The following HACL2 variants were observed in gnomAD, a reference collection of about 807,000 sequenced individuals.
HACL2 encodes 2-hydroxyacyl-CoA lyase 1 like.
At chr19:15,116,760 A>C in the HACL2 span, 1 of 522,508 alleles carries the variant, frequency 1.9e-6, no homozygotes, top group African/African-American at 1.9e-5. Flanking sequence ...AAGGAGCACA[A>C]GGCAGGTGAC....
chr19:15,123,668 G>A, the HACL2 span: 7 of 1,182,728 alleles, frequency 5.9e-6, no homozygotes, highest in East Asian at 7.2e-5. The surrounding 1 kb of genome is among the most constrained non-coding windows in gnomAD (Gnocchi z 5.1). Context: ...AGGTAAGGGG[G>A]CAGGAGCAGG....
the HACL2 span, chr19:15,119,015 T>C: frequency 2.8e-6 from 2 of 714,246 alleles, no homozygotes; most frequent in Admixed American, 3.5e-5. Flanking sequence ...ACACCTATTA[T>C]GCGTCTGGTT....
chr19:15,122,405 GGAA>G, the HACL2 span, among the ~76,000 whole-genome samples: 6 of 152,112 alleles, frequency 3.9e-5, no homozygotes, highest in Non-Finnish European at 1.5e-5. This position sits in a 1 kb window ranked among gnomAD's most constrained non-coding sequence, Gnocchi z 4.0. Context: ...AGGAAGAGGA[GGAA>G]GAAGAGATGA....
chr19:15,122,511 T>C, the HACL2 span, among the ~76,000 whole-genome samples: 84,481 of 151,872 alleles, frequency 0.56, 24,565 homozygotes, highest in African/African-American at 0.72. This position sits in a 1 kb window ranked among gnomAD's most constrained non-coding sequence, Gnocchi z 4.0. Context: ...TTGCTTTCCC[T>C]ACCCACCCAG....
the HACL2 span, chr19:15,124,753 C>T: frequency 4.1e-4 from 373 of 912,118 alleles, no homozygotes; most frequent in Non-Finnish European, 5.8e-4. Flanking sequence ...TCCAGGCCTC[C>T]ATACACAGCG....
chr19:15,123,005 T>G, the HACL2 span: 4 of 1,603,570 alleles, frequency 2.5e-6, no homozygotes, highest in Non-Finnish European at 3.4e-6. This position sits in a 1 kb window ranked among gnomAD's most constrained non-coding sequence, Gnocchi z 5.1. Flanking sequence ...GGACAGCTGA[T>G]CAACAGCCTG....
chr19:15,118,409 G>C, the HACL2 span, among the ~76,000 whole-genome samples: 1 of 152,108 alleles, frequency 6.6e-6, no homozygotes, highest in Non-Finnish European at 1.5e-5. Flanking sequence ...AGGCCTGGGT[G>C]GGGCCAAGGA....
the HACL2 span, chr19:15,125,013 G>A: frequency 6.3e-7 from 1 of 1,586,678 alleles, no homozygotes; most frequent in East Asian, 2.3e-5. Context: ...GAGCAGGAAG[G>A]AGGGGAATAA....
At chr19:15,123,252 C>T in the HACL2 span, 1 of 1,613,300 alleles carries the variant, frequency 6.2e-7, no homozygotes, top group South Asian at 1.1e-5. The surrounding 1 kb of genome is among the most constrained non-coding windows in gnomAD (Gnocchi z 5.1). Context: ...CCCTGGAACA[C>T]AGAGCCCATC....
chr19:15,115,674 AC>A, the HACL2 span: 1 of 1,612,650 alleles, frequency 6.2e-7, no homozygotes, highest in African/African-American at 1.3e-5. Context: ...ACTGGGATCT[AC>A]AGGAAGATGA....
the HACL2 span, chr19:15,123,358 C>T: frequency 6.2e-7 from 1 of 1,611,044 alleles, no homozygotes; most frequent in Non-Finnish European, 8.5e-7. The surrounding 1 kb of genome is among the most constrained non-coding windows in gnomAD (Gnocchi z 5.1). Flanking sequence ...CCCCAGCCCT[C>T]TCTGCAATGC....
chr19:15,116,537 G>A, the HACL2 span: 1 of 1,601,704 alleles, frequency 6.2e-7, no homozygotes, highest in Non-Finnish European at 8.5e-7. Flanking sequence ...GGAAGGAAGA[G>A]GACACAGCTG....
the HACL2 span, chr19:15,125,265 G>A: frequency 1.3e-5 from 8 of 604,568 alleles, no homozygotes; most frequent in African/African-American, 1.3e-4. Context: ...CCGTGACAAG[G>A]TCACGCCCCT....
At chr19:15,125,018 G>A in the HACL2 span, 8 of 1,582,226 alleles carry the variant, frequency 5.1e-6, no homozygotes, top group African/African-American at 1.3e-5. Flanking sequence ...GGAAGGAGGG[G>A]AATAAGCTCC....
At chr19:15,122,701 C>T in the HACL2 span, 1 of 1,613,952 alleles carries the variant, frequency 6.2e-7, no homozygotes, top group Non-Finnish European at 8.5e-7. The surrounding 1 kb of genome is among the most constrained non-coding windows in gnomAD (Gnocchi z 4.0). Context: ...ACCAGGAGAC[C>T]ACTCGGCCCA....
chr19:15,121,253 C>T, the HACL2 span, among the ~76,000 whole-genome samples: 22 of 151,868 alleles, frequency 1.4e-4, no homozygotes, highest in Non-Finnish European at 2.6e-4. Context: ...AGCGAGACTC[C>T]GTCTCAAAAA....
chr19:15,119,984 G>A, the HACL2 span: 5 of 1,547,398 alleles, frequency 3.2e-6, no homozygotes, highest in East Asian at 7.4e-5. Context: ...CAATTCACCT[G>A]CTGCGGGGAA....
chr19:15,115,061 C>T, the HACL2 span: 42 of 666,560 alleles, frequency 6.3e-5, no homozygotes, highest in Admixed American at 2.1e-4. Flanking sequence ...CAGTTGGGTC[C>T]GTGAAGAGGA....
At chr19:15,116,233 G>T in the HACL2 span, 1 of 1,613,892 alleles carries the variant, frequency 6.2e-7, no homozygotes, top group African/African-American at 1.3e-5. Flanking sequence ...TCCACCACCA[G>T]AATTGAGTTG....
Sources: allele counts gnomAD v4.1 joint callset (sites outside exome capture counted in the v4.1 genomes callset), GRCh38; gene constraint gnomAD v4.1.1; non-coding constraint Gnocchi (gnomAD v3.1); transcripts MANE v1.5; gene names NCBI Gene and HGNC (gene_info 2026-07-23, HGNC 2026-07-21).